Variants in AKIRIN1 observed in about 807,000 individuals in gnomAD.
The protein encoded by AKIRIN1 is akirin 1, also known as akirin-1.
In AKIRIN1, 4 loss-of-function variants were observed where a neutral mutation model predicts 25.9. The ratio of observed to expected loss-of-function variants is 0.15; its 90% CI spans 0.08 to 0.35. The LOEUF is 0.35. Ranked by LOEUF, AKIRIN1 falls within the 10% of genes least tolerant of loss-of-function variation. The pLI, the probability that AKIRIN1 is intolerant of heterozygous loss-of-function variation, is 1.00. For missense variants in AKIRIN1, 243 were observed against 266.1 expected, an observed-to-expected ratio of 0.91 and a Z score of 0.61; for synonymous variants, 125 against 105.1, an observed-to-expected ratio of 1.19 and a Z score of -1.16.
intron 1 of AKIRIN1, among the ~76,000 whole-genome samples, chr1:38,995,001 G>T (rs991777045): frequency 6.6e-6 from 1 of 151,646 alleles, no homozygotes; most frequent in Non-Finnish European, 1.5e-5. Flanking sequence ...ACTAATTTTT[G>T]TATTTTTTTT....
intron 2 of AKIRIN1, among the ~76,000 whole-genome samples, chr1:39,000,601 C>T (rs552255631): frequency 6.6e-6 from 1 of 151,322 alleles, no homozygotes; most frequent in Non-Finnish European, 1.5e-5. Flanking sequence ...CCGCCCACCT[C>T]GACCTCCCAG....
chr1:38,991,663 TGGGGGAGGG>T, intron 1 of AKIRIN1, 63 bp downstream of exon 1: 4 of 70,102 alleles, frequency 5.7e-5, no homozygotes, highest in Non-Finnish European at 9.4e-5. Context: ...GGGGGGGTGG[TGGGGGAGGG>T]TTGGGAATAC....
intron 1 of AKIRIN1, among the ~76,000 whole-genome samples, chr1:38,991,968 T>G (rs1299091730): frequency 8.1e-6 from 1 of 124,068 alleles, no homozygotes; most frequent in East Asian, 2.6e-4. Flanking sequence ...CATGGAAAAT[T>G]GGATTCTACT....
Position 38,991,342 on chromosome 1 carries a change from A to G in AKIRIN1, c.-39A>G. 7.5e-7 allele frequency: 1 copy of G among 1,331,202 alleles called. No individual in the cohort carries two copies. Among genetic ancestry groups the G allele is most frequent in the Non-Finnish European group, 9.6e-7 (1 of 1,042,406 alleles). 82.5% of individuals were successfully genotyped at this position (1,331,202 alleles called of 1,614,324 possible). ...CTGAGGAGCCTCTTGGGCCGCACTT[A>G]CCGCCGCGTCCGCTCCCGGTCCCTG... On this transcript the variant is annotated 5_prime_UTR_variant, in exon 1 of 5. Coordinates refer to ENST00000432648, the MANE Select transcript of AKIRIN1 (RefSeq NM_024595.3).
intron 2 of AKIRIN1, among the ~76,000 whole-genome samples, chr1:39,000,440 C>T (rs755703423): frequency 6.8e-6 from 1 of 146,546 alleles, no homozygotes; most frequent in Non-Finnish European, 1.5e-5. Flanking sequence ...CTCCGCCTCT[C>T]AGGTTCAAGC....
chr1:39,001,458 G>A (rs1643991251), intron 3 of AKIRIN1, among the ~76,000 whole-genome samples: 1 of 151,940 alleles, frequency 6.6e-6, no homozygotes, highest in Non-Finnish European at 1.5e-5. Context: ...CAGAGAGGGG[G>A]CTTCTCCATG....
chr1:38,994,164 A>T (rs904939607), intron 1 of AKIRIN1, among the ~76,000 whole-genome samples: 1 of 152,070 alleles, frequency 6.6e-6, no homozygotes, highest in African/African-American at 2.4e-5. Context: ...GAGTGTCAAT[A>T]TGACACTCAA....
chr1:38,992,777 C>T (rs1463599868), intron 1 of AKIRIN1, among the ~76,000 whole-genome samples: 3 of 152,032 alleles, frequency 2.0e-5, no homozygotes, highest in African/African-American at 2.4e-5. Flanking sequence ...TCTGCTTTTT[C>T]CCCCAGACCC....
intron 3 of AKIRIN1, 117 bp downstream of exon 3, chr1:39,001,223 G>C: frequency 8.1e-7 from 1 of 1,234,384 alleles, no homozygotes; most frequent in Non-Finnish European, 1.1e-6. Flanking sequence ...ATTGAGTTGC[G>C]GGTATGGAAG....
In AKIRIN1 at chr1:39,003,342, C is replaced by T. The variant is rs750313271; in HGVS notation, c.497-5C>T. On this transcript the variant is annotated splice_polypyrimidine_tract_variant and splice_region_variant and intron_variant, in intron 3 of 4. Transcript: ENST00000432648. ...TGAGGATAAGTATGTACTGTCTTCT[C>T]ACAGAACAATATGAATCTTTTGTGA... 19 of 1,613,106 alleles carry T rather than the reference C, an allele frequency of 1.2e-5. No homozygotes were observed. The highest frequency in any genetic ancestry group is 8.3e-5 in the Admixed American group (5 of 59,920).
In AKIRIN1 at chr1:38,991,571, C is replaced by A; in HGVS notation, c.191C>A (p.Pro64His). 1 of 1,361,124 alleles carries A rather than the reference C, an allele frequency of 7.3e-7. No homozygotes were observed. Among genetic ancestry groups the A allele is most frequent in the South Asian group, 1.7e-5 (1 of 57,440 alleles). 84.3% of individuals were successfully genotyped at this position (1,361,124 alleles called of 1,614,324 possible). The change falls in exon 1 of 5, where the codon CCC (proline) becomes CAC (histidine). Residue 64 changes from proline to histidine, a missense_variant. Coordinates refer to ENST00000432648, the MANE Select transcript of AKIRIN1 (RefSeq NM_024595.3). Reference sequence around the variant, plus strand: ...CAGAGTCTGCAGCAGCCCGCCCCGCCCGGCAGCGAGCGGCGCCTTCCAACT... The same window carrying A: ...CAGAGTCTGCAGCAGCCCGCCCCGCACGGCAGCGAGCGGCGCCTTCCAACT... ...PPQSLQQPAP[P>H]GSERRLPTPE...
chr1:39,003,513 A>G (rs1644010479), intron 4 of AKIRIN1, 95 bp downstream of exon 4: 3 of 1,165,646 alleles, frequency 2.6e-6, no homozygotes, highest in Admixed American at 1.9e-5. Context: ...GTCCCTGTGA[A>G]GTAAAATGTG....
intron 1 of AKIRIN1, among the ~76,000 whole-genome samples, chr1:38,992,766 C>T (rs1296056369): frequency 1.3e-5 from 2 of 152,062 alleles, no homozygotes; most frequent in South Asian, 2.1e-4. Flanking sequence ...CAAACTGTGC[C>T]TCTGCTTTTT....
intron 3 of AKIRIN1, 136 bp downstream of exon 3, chr1:39,001,242 T>C (rs901912003): frequency 4.7e-6 from 5 of 1,068,046 alleles, no homozygotes; most frequent in Admixed American, 6.3e-5. Flanking sequence ...AGTTACTCTT[T>C]GGTGATTGTA....
At chr1:38,993,959 ACT>A in intron 1 of AKIRIN1, among the ~76,000 whole-genome samples, 1 of 151,270 alleles carries the variant, frequency 6.6e-6, no homozygotes, top group South Asian at 2.1e-4. Flanking sequence ...AATCCCAGCT[ACT>A]CGGGAGGTTG....
intron 1 of AKIRIN1, among the ~76,000 whole-genome samples, chr1:38,993,112 A>G (rs373106293): frequency 6.6e-6 from 1 of 152,252 alleles, no homozygotes; most frequent in Non-Finnish European, 1.5e-5. Context: ...TACTTGCGCT[A>G]TCTTTTGTTG....
At chr1:39,003,913 C>T in intron 4 of AKIRIN1, 132 bp from the exon 5 acceptor site, 1 of 728,164 alleles carries the variant, frequency 1.4e-6, no homozygotes, top group South Asian at 1.9e-5. Flanking sequence ...AATTCTTGAT[C>T]TTTAGTATCT....
chr1:39,004,199 C>T lies in AKIRIN1; in HGVS notation c.*144C>T, dbSNP rs1377287744. The T allele has an allele frequency of 5.5e-6, 5 of 901,676 alleles. No individual in the cohort carries two copies. The highest frequency in any genetic ancestry group is 5.5e-6 in the Non-Finnish European group (3 of 541,720). The allele number at this position is 901,676 out of a possible 1,614,324, so 55.9% of individuals were successfully genotyped here. A position where few individuals can be genotyped will look rare whatever the true frequency, so the allele number is the denominator to read the frequency against. ...GTTTCTGCAGGTCCATTTTATACAA[C>T]TTGAAAGACCGTAAAACTTTCTGGT... On this transcript the variant is annotated 3_prime_UTR_variant, in exon 5 of 5. Transcript: ENST00000432648.
At chr1:38,997,109 TAA>T (rs11453570) in intron 1 of AKIRIN1, among the ~76,000 whole-genome samples, 1 of 147,078 alleles carries the variant, frequency 6.8e-6, no homozygotes, top group Non-Finnish European at 1.5e-5. Flanking sequence ...CTCCCACCAT[TAA>T]AAAAAAAAAG....
Sources: allele counts gnomAD v4.1 joint callset (sites outside exome capture counted in the v4.1 genomes callset), GRCh38; gene constraint gnomAD v4.1.1; transcripts MANE v1.5; gene names NCBI Gene and HGNC (gene_info 2026-07-23, HGNC 2026-07-21).